SH3BGR: variants seen among roughly 807,000 people sequenced by gnomAD.
SH3BGR encodes SH3 domain-binding glutamic acid-rich protein.
SH3BGR carries 29 observed loss-of-function variants against 24.5 expected under a neutral mutation model. The observed-to-expected ratio is 1.18, with a 90% CI of 0.88 to 1.61. SH3BGR has a LOEUF of 1.61. SH3BGR is among the 40% of genes most tolerant of loss of function. The probability of loss-of-function intolerance (pLI) is 0.00; values close to 1 mark genes in which losing one functional copy is unlikely to be tolerated. For synonymous variants in SH3BGR, 55 were observed against 65.7 expected (o/e 0.84, Z 0.79); for missense variants, 162 against 205.8 (o/e 0.79, Z 1.30).
intron 4 of SH3BGR, among the ~76,000 whole-genome samples, chr21:39,506,032 T>C (rs890865323): frequency 3.3e-5 from 5 of 152,010 alleles, no homozygotes; most frequent in African/African-American, 1.2e-4. Flanking sequence ...CAAAGTTCTT[T>C]GAGATCCAAA....
chr21:39,451,956 G>A (rs2077580721), upstream of SH3BGR: 1 of 1,614,080 alleles, frequency 6.2e-7, no homozygotes, highest in Admixed American at 1.7e-5. Context: ...GTTGGAGCGG[G>A]ACTGCCGGAG....
At chr21:39,513,644 C>G (rs981184040) in intron 6 of SH3BGR, among the ~76,000 whole-genome samples, 2 of 152,016 alleles carry the variant, frequency 1.3e-5, no homozygotes, top group African/African-American at 4.8e-5. Context: ...CTCTGCTTGC[C>G]ACTTGGTTAC....
intron 4 of SH3BGR, among the ~76,000 whole-genome samples, chr21:39,500,344 G>A (rs1176609219): frequency 2.0e-5 from 3 of 152,150 alleles, no homozygotes; most frequent in Non-Finnish European, 4.4e-5. Context: ...AGAGGAACTT[G>A]AGGATAAAAA....
chr21:39,463,185 G>A (rs932796515), intron 2 of SH3BGR, among the ~76,000 whole-genome samples: 9 of 152,158 alleles, frequency 5.9e-5, no homozygotes, highest in Admixed American at 4.6e-4. Context: ...TGCCCAGCAA[G>A]TTTTCACTTT....
intron 4 of SH3BGR, among the ~76,000 whole-genome samples, chr21:39,503,006 G>A (rs1348801465): frequency 9.9e-5 from 15 of 150,894 alleles, no homozygotes; most frequent in Non-Finnish European, 1.6e-4. Context: ...TTTCCTCAGG[G>A]ACCGCCTAGC....
chr21:39,499,495 G>T (rs1438345892), intron 3 of SH3BGR, among the ~76,000 whole-genome samples: 1 of 151,846 alleles, frequency 6.6e-6, no homozygotes, highest in Non-Finnish European at 1.5e-5. Flanking sequence ...AAAATTATAA[G>T]CCTCCCTCCA....
intron 1 of SH3BGR, among the ~76,000 whole-genome samples, chr21:39,457,244 C>CTTT (rs1555910169): frequency 2.0e-4 from 28 of 140,580 alleles, no homozygotes; most frequent in Admixed American, 3.6e-4. Flanking sequence ...ATATAAAAAT[C>CTTT]TTATTATATT....
chr21:39,450,681 C>G (rs1301623856), upstream of SH3BGR, among the ~76,000 whole-genome samples: 1 of 152,182 alleles, frequency 6.6e-6, no homozygotes, highest in Non-Finnish European at 1.5e-5. Context: ...AAAAACTAGC[C>G]CTTTGTCCCT....
chr21:39,510,715 A>G (rs1015579702), intron 5 of SH3BGR, among the ~76,000 whole-genome samples: 3 of 151,970 alleles, frequency 2.0e-5, no homozygotes, highest in African/African-American at 7.2e-5. Flanking sequence ...GGCCAGCTTC[A>G]AAATAGAATT....
At chr21:39,508,680 A>G (rs1200917948) in intron 4 of SH3BGR, among the ~76,000 whole-genome samples, 1 of 152,250 alleles carries the variant, frequency 6.6e-6, no homozygotes, top group African/African-American at 2.4e-5. Context: ...AGATAGCACT[A>G]TCAATCTTTG....
chr21:39,511,546 T>C lies in SH3BGR; in HGVS notation c.436-134T>C, dbSNP rs2123569640. 1.4e-6 allele frequency: 1 copy of C among 713,512 alleles called. No homozygotes were observed. The highest frequency in any genetic ancestry group is 2.8e-5 in the Admixed American group (1 of 36,062). The allele number at this position is 713,512 out of a possible 1,614,324, so 44.2% of individuals were successfully genotyped here. A position where few individuals can be genotyped will look rare whatever the true frequency, so the allele number is the denominator to read the frequency against. ...GTGTGGTGTGTGTATTTGTGTGTTG[T>C]GTGTGTTTGTTTGTGTGTTGTGTGG... On this transcript the variant is annotated intron_variant, in intron 5 of 6. Transcript: ENST00000333634. The surrounding 1 kb of genome is among the most constrained non-coding windows in gnomAD (Gnocchi z 4.2).
chr21:39,476,743 C>T (rs1423583024), intron 3 of SH3BGR, among the ~76,000 whole-genome samples: 2 of 152,180 alleles, frequency 1.3e-5, no homozygotes, highest in African/African-American at 4.8e-5. Context: ...TCCCCTTCTT[C>T]CAGACCCCAG....
chr21:39,454,224 T>C (rs1044226000), intron 1 of SH3BGR, among the ~76,000 whole-genome samples: 1 of 152,158 alleles, frequency 6.6e-6, no homozygotes, highest in African/African-American at 2.4e-5. Context: ...CTTGTGCCCA[T>C]GCTACTGTGT....
At chr21:39,480,323 A>G (rs571709532) in intron 3 of SH3BGR, among the ~76,000 whole-genome samples, 1 of 152,334 alleles carries the variant, frequency 6.6e-6, no homozygotes, top group African/African-American at 2.4e-5. Context: ...AAAGAAACCC[A>G]GTACCCCTTA....
intron 2 of SH3BGR, among the ~76,000 whole-genome samples, chr21:39,464,838 T>A (rs2077814432): frequency 6.6e-6 from 1 of 152,174 alleles, no homozygotes; most frequent in African/African-American, 2.4e-5. Context: ...TAATATTTTT[T>A]TAGGGGGGAT....
chr21:39,465,307 G>A (rs969537275), intron 2 of SH3BGR, among the ~76,000 whole-genome samples: 1 of 152,152 alleles, frequency 6.6e-6, no homozygotes, highest in African/African-American at 2.4e-5. Context: ...CCACAGGAGG[G>A]CTCTGTACTT....
At chr21:39,451,495 T>C (rs545143272), upstream of SH3BGR, among the ~76,000 whole-genome samples, 4 of 152,280 alleles carry the variant, frequency 2.6e-5, no homozygotes, top group East Asian at 7.7e-4. Context: ...TGTATGACAG[T>C]TTACTTAAAA....
At chr21:39,475,928 G>T (rs758391500) in intron 3 of SH3BGR, among the ~76,000 whole-genome samples, 9 of 152,160 alleles carry the variant, frequency 5.9e-5, no homozygotes, top group Non-Finnish European at 1.3e-4. Flanking sequence ...TATTGAGGGG[G>T]GAAGTTAAGT....
intron 3 of SH3BGR, among the ~76,000 whole-genome samples, chr21:39,489,946 T>G (rs550577311): frequency 2.0e-5 from 3 of 152,294 alleles, no homozygotes; most frequent in African/African-American, 7.2e-5. Flanking sequence ...GATGGAACTA[T>G]GTGAGAAAGG....
Sources: gnomAD v4.1 joint callset for allele counts (sites outside exome capture counted in the v4.1 genomes callset) on GRCh38, gnomAD v4.1.1 for gene constraint, Gnocchi (gnomAD v3.1) non-coding constraint, MANE v1.5 for transcripts, NCBI Gene and HGNC (gene_info 2026-07-23, HGNC 2026-07-21) for gene names.